The following EVA1C variants were observed in gnomAD, a reference collection of about 807,000 sequenced individuals.
The protein encoded by EVA1C is protein eva-1 homolog C.
EVA1C carries 25 observed loss-of-function variants against 45.4 expected under a neutral mutation model. That is an observed-to-expected ratio of 0.55 (90% confidence interval 0.40 to 0.77). The LOEUF (loss-of-function observed/expected upper bound fraction) is 0.77. Ranked by LOEUF, EVA1C falls within the 30% of genes least tolerant of loss-of-function variation. EVA1C has a pLI of 0.00. For missense variants in EVA1C, 479 were observed against 554.8 expected, an observed-to-expected ratio of 0.86 and a Z score of 1.37; for synonymous variants, 190 against 221.2, an observed-to-expected ratio of 0.86 and a Z score of 1.25.
chr21:32,449,953 T>G (rs1048451101), intron 1 of EVA1C, among the ~76,000 whole-genome samples: 6 of 152,126 alleles, frequency 3.9e-5, no homozygotes, highest in African/African-American at 9.7e-5. Context: ...GGAATTGAAC[T>G]GAGTGTAGGG....
intron 1 of EVA1C, among the ~76,000 whole-genome samples, chr21:32,414,371 T>C (rs1601183302): frequency 6.6e-6 from 1 of 152,322 alleles, no homozygotes; most frequent in East Asian, 1.9e-4. Flanking sequence ...ATTTGAGCTA[T>C]GGAAAGCAGT....
chr21:32,464,657 A>G (rs568561275), intron 3 of EVA1C, among the ~76,000 whole-genome samples: 1 of 152,164 alleles, frequency 6.6e-6, no homozygotes, highest in East Asian at 1.9e-4. Flanking sequence ...CCCTGTCTCT[A>G]CTAAAAATAC....
chr21:32,513,472 C>T (rs1436141826), intron 7 of EVA1C, among the ~76,000 whole-genome samples: 4 of 148,018 alleles, frequency 2.7e-5, no homozygotes, highest in Admixed American at 1.4e-4. Flanking sequence ...AGCCACCGTG[C>T]CCGGCCAATA....
At chr21:32,455,449 T>TG (rs914816410) in intron 2 of EVA1C, among the ~76,000 whole-genome samples, 44 of 152,202 alleles carry the variant, frequency 2.9e-4, no homozygotes, top group Middle Eastern at 3.4e-3. Context: ...ATGTGAGTTT[T>TG]GGGGGGGATA....
rs557612613 is a variant in EVA1C, at chr21:32,466,122, T to A, written c.482-1574T>A. ...TCTGCAGTGTTAGCTCTTACTGCTT[T>A]AAAAAATCAAATCATTGGCCGGGCG... On this transcript the variant is annotated intron_variant, in intron 3 of 7. Transcript: ENST00000300255. Among the ~76,000 whole-genome samples the A allele has an allele frequency of 2.0e-3, 308 of 152,266 alleles. 1 individual carries two copies. Among genetic ancestry groups the A allele is most frequent in the Non-Finnish European group, 3.8e-3 (258 of 68,020 alleles).
chr21:32,513,551 C>CT (rs1165725714), intron 7 of EVA1C, among the ~76,000 whole-genome samples: 1,863 of 106,738 alleles, frequency 0.017, 125 homozygotes, highest in African/African-American at 0.055. Context: ...TTTTTCTTTT[C>CT]TTTTTTTTTT....
At position 32,503,926 on chromosome 21, in the gene EVA1C, G is replaced by T. The variant is rs780846738; in HGVS notation, c.860G>T (p.Gly287Val). 21 of 1,608,566 alleles carry T rather than the reference G, an allele frequency of 1.3e-5. No individual in the cohort carries two copies. Among genetic ancestry groups the T allele is most frequent in the Non-Finnish European group, 1.7e-5 (20 of 1,177,692 alleles). ...PSLKQKDGEY[G>V]INFDPSGSKV... is the part of the protein sequence containing the mutation. ...TGGTCTTGCATTTTTCATGAAACAGGTATAAACTTCGACCCAAGCGGATCG... is the reference window on the plus strand; with the variant it reads ...TGGTCTTGCATTTTTCATGAAACAGTTATAAACTTCGACCCAAGCGGATCG... The change falls in exon 7 of 8, where the codon GGT becomes GTT. Residue 287 changes from glycine (G) to valine (V), a missense_variant and splice_region_variant. This residue lies in a region of EVA1C where 366 missense variants were observed against 426.1 expected (regional missense o/e 0.86). Coordinates refer to ENST00000300255, the MANE Select transcript of EVA1C (RefSeq NM_058187.5).
At chr21:32,458,949 A>C (rs2035893776) in intron 3 of EVA1C, among the ~76,000 whole-genome samples, 1 of 152,046 alleles carries the variant, frequency 6.6e-6, no homozygotes, top group Admixed American at 6.6e-5. Flanking sequence ...TCTCAGGTAC[A>C]CATGTGGGGA....
intron 1 of EVA1C, among the ~76,000 whole-genome samples, chr21:32,451,364 G>A (rs1046756628): frequency 1.3e-5 from 2 of 152,108 alleles, no homozygotes; most frequent in African/African-American, 4.8e-5. Flanking sequence ...ACCTCGTGAG[G>A]TGTGAGAAGG....
At chr21:32,509,688 G>A (rs1337664156) in intron 7 of EVA1C, among the ~76,000 whole-genome samples, 3 of 152,064 alleles carry the variant, frequency 2.0e-5, no homozygotes, top group African/African-American at 7.2e-5. Flanking sequence ...CCCACTCAGC[G>A]AGTGAGTGAC....
chr21:32,421,378 A>G (rs2034266359), intron 1 of EVA1C, among the ~76,000 whole-genome samples: 1 of 152,210 alleles, frequency 6.6e-6, no homozygotes, highest in Non-Finnish European at 1.5e-5. Flanking sequence ...CCTTCATTAA[A>G]AGGTGGATGT....
At chr21:32,485,329 G>A (rs1428974534) in intron 4 of EVA1C, among the ~76,000 whole-genome samples, 2 of 152,074 alleles carry the variant, frequency 1.3e-5, no homozygotes, top group Non-Finnish European at 2.9e-5. Context: ...CACCACACCT[G>A]GCTAATTTTT....
intron 1 of EVA1C, among the ~76,000 whole-genome samples, chr21:32,427,590 G>A (rs2034538050): frequency 6.6e-6 from 1 of 152,158 alleles, no homozygotes; most frequent in Admixed American, 6.5e-5. Flanking sequence ...GCACATGCCT[G>A]TAGTCCCAGT....
intron 1 of EVA1C, among the ~76,000 whole-genome samples, chr21:32,417,725 G>T (rs1229293317): frequency 6.6e-6 from 1 of 152,168 alleles, no homozygotes; most frequent in South Asian, 2.1e-4. Context: ...GGACACAGTT[G>T]TTCATTTTGG....
At position 32,457,497 on chromosome 21, in the gene EVA1C, G is replaced by A; in HGVS notation, c.358-100G>A. The A allele has an allele frequency of 3.5e-6, 5 of 1,438,760 alleles. No individual in the cohort carries two copies. In the South Asian group the frequency reaches 4.7e-5, roughly 14 times the overall value. 89.1% of individuals were successfully genotyped at this position (1,438,760 alleles called of 1,614,324 possible). A position where few individuals can be genotyped will look rare whatever the true frequency, so the allele number is the denominator to read the frequency against. ...AGACACAGCTTGGCCAGGTGGGGAGGCGTCCTTCCCTTTGCAGAGCCCAGA... is the reference window on the plus strand; with the variant it reads ...AGACACAGCTTGGCCAGGTGGGGAGACGTCCTTCCCTTTGCAGAGCCCAGA... On this transcript the variant is annotated intron_variant, in intron 2 of 7. Transcript: ENST00000300255.
At chr21:32,509,363 C>T (rs2037871767) in intron 7 of EVA1C, among the ~76,000 whole-genome samples, 1 of 152,232 alleles carries the variant, frequency 6.6e-6, no homozygotes, top group Non-Finnish European at 1.5e-5. Flanking sequence ...AGAGCGCTCA[C>T]TTAGCAGGAG....
intron 4 of EVA1C, among the ~76,000 whole-genome samples, chr21:32,488,847 A>G (rs1201718101): frequency 2.3e-5 from 3 of 131,052 alleles, no homozygotes; most frequent in African/African-American, 8.9e-5. Flanking sequence ...TGGCCTCCCA[A>G]AGTGCTGGGA....
chr21:32,425,765 G>A (rs2034465837), intron 1 of EVA1C, among the ~76,000 whole-genome samples: 2 of 152,062 alleles, frequency 1.3e-5, no homozygotes, highest in African/African-American at 4.8e-5. Context: ...GCAATCTCTG[G>A]AGGCAATTTT....
chr21:32,437,587 C>G (rs1435535683), intron 1 of EVA1C, among the ~76,000 whole-genome samples: 1 of 152,218 alleles, frequency 6.6e-6, no homozygotes, highest in African/African-American at 2.4e-5. Context: ...GCCTCAAACC[C>G]TGCAATCGAG....
Sources: allele counts gnomAD v4.1 joint callset (sites outside exome capture counted in the v4.1 genomes callset), GRCh38; gene constraint gnomAD v4.1.1; regional missense constraint gnomAD v4.1.1; transcripts MANE v1.5; gene names NCBI Gene and HGNC (gene_info 2026-07-23, HGNC 2026-07-21).